Variants in CFAP97 observed in about 807,000 individuals in gnomAD.
CFAP97 encodes the protein cilia and flagella associated protein 97.
Under a neutral mutation model 43.1 loss-of-function variants are expected in CFAP97, and 36 were observed. The observed-to-expected ratio is 0.84, with a 90% CI of 0.64 to 1.10. CFAP97 has a LOEUF of 1.10. CFAP97 is among the 50% of genes least tolerant of loss of function. The pLI, the probability that CFAP97 is intolerant of heterozygous loss-of-function variation, is 0.00. For missense variants in CFAP97, 657 were observed against 620.3 expected (o/e 1.06, Z -0.63); for synonymous variants, 228 against 225.7 (o/e 1.01, Z -0.09).
At chr4:185,209,683 A>G (rs180986648), upstream of CFAP97, 1,324 of 951,120 alleles carry the variant, frequency 1.4e-3, 37 homozygotes, top group East Asian at 0.075. The surrounding 1 kb of genome is among the most constrained non-coding windows in gnomAD (Gnocchi z 5.2). Context: ...GGGGTCGCCG[A>G]GAGGGGCCCG....
At chr4:185,210,166 G>C, upstream of CFAP97, 7 of 984,384 alleles carry the variant, frequency 7.1e-6, no homozygotes, top group Non-Finnish European at 8.4e-6. The surrounding 1 kb of genome is among the most constrained non-coding windows in gnomAD (Gnocchi z 4.4). Flanking sequence ...GTTTGCCCTC[G>C]TCTGCCGGAG....
chr4:185,205,218 G>C (rs982278258), upstream of CFAP97, among the ~76,000 whole-genome samples: 2 of 152,240 alleles, frequency 1.3e-5, no homozygotes, highest in African/African-American at 2.4e-5. Flanking sequence ...CACTTCGGGA[G>C]GCCGAGGCGG....
intron 2 of CFAP97, among the ~76,000 whole-genome samples, chr4:185,187,399 C>A (rs1251328425): frequency 1.3e-5 from 2 of 152,058 alleles, no homozygotes; most frequent in South Asian, 2.1e-4. Flanking sequence ...CAATGGGACA[C>A]ACAAGCAAAC....
intron 1 of CFAP97, among the ~76,000 whole-genome samples, chr4:185,202,142 A>T (rs1736866190): frequency 6.6e-6 from 1 of 152,204 alleles, no homozygotes; most frequent in African/African-American, 2.4e-5. Context: ...GAATTTAGTC[A>T]TTCAAAGAAT....
intron 1 of CFAP97, among the ~76,000 whole-genome samples, chr4:185,192,688 A>C (rs1736322126): frequency 6.6e-6 from 1 of 151,390 alleles, no homozygotes; most frequent in Admixed American, 6.6e-5. Context: ...GATAAGCTTA[A>C]GATCAGACTT....
intron 2 of CFAP97, among the ~76,000 whole-genome samples, chr4:185,187,266 T>C (rs2111377817): frequency 6.6e-6 from 1 of 152,332 alleles, no homozygotes; most frequent in African/African-American, 2.4e-5. Context: ...ATATGTTTCC[T>C]AACCAGCACA....
intron 2 of CFAP97, among the ~76,000 whole-genome samples, chr4:185,181,076 T>C (rs572808888): frequency 7.7e-4 from 117 of 152,010 alleles, no homozygotes; most frequent in African/African-American, 2.8e-3. Context: ...GCTTAAAACC[T>C]TGTCTCTGCA....
At chr4:185,180,809 T>C (rs2111357970) in intron 2 of CFAP97, among the ~76,000 whole-genome samples, 1 of 152,210 alleles carries the variant, frequency 6.6e-6, no homozygotes, top group Admixed American at 6.5e-5. Context: ...CAAAAGTTTG[T>C]AGCATTATGA....
intron 1 of CFAP97, among the ~76,000 whole-genome samples, chr4:185,196,343 A>G (rs1969456): frequency 0.6 from 91,214 of 151,738 alleles, 27,739 homozygotes; most frequent in East Asian, 0.74. Context: ...GTGTGGTGGC[A>G]CGTGCCTATA....
At chr4:185,176,487 C>T (rs1735548802) in intron 2 of CFAP97, among the ~76,000 whole-genome samples, 1 of 152,120 alleles carries the variant, frequency 6.6e-6, no homozygotes, top group African/African-American at 2.4e-5. Flanking sequence ...ATACTAATGA[C>T]ATCTAGATTA....
At chr4:185,202,874 G>A (rs1280135259) in intron 1 of CFAP97, among the ~76,000 whole-genome samples, 2 of 152,318 alleles carry the variant, frequency 1.3e-5, no homozygotes, top group African/African-American at 2.4e-5. Context: ...CCCATCCACT[G>A]AGCAATTCTT....
intron 3 of CFAP97, among the ~76,000 whole-genome samples, chr4:185,173,895 T>C (rs1010319892): frequency 6.6e-6 from 1 of 152,210 alleles, no homozygotes; most frequent in Non-Finnish European, 1.5e-5. Flanking sequence ...TTAAGTTATA[T>C]ATACATTACT....
chr4:185,166,207 G>A (rs1735063874), intron 3 of CFAP97, among the ~76,000 whole-genome samples: 1 of 152,156 alleles, frequency 6.6e-6, no homozygotes, highest in Admixed American at 6.5e-5. Flanking sequence ...AAAGTCCACG[G>A]TCTTCCCATC....
chr4:185,166,821 T>C (rs886092741), intron 3 of CFAP97, among the ~76,000 whole-genome samples: 6 of 152,208 alleles, frequency 3.9e-5, no homozygotes, highest in African/African-American at 7.2e-5. Context: ...CTCTTGCCTA[T>C]AGAAATAATA....
At chr4:185,203,512 C>T (rs900213046) in intron 1 of CFAP97, among the ~76,000 whole-genome samples, 1 of 152,158 alleles carries the variant, frequency 6.6e-6, no homozygotes, top group African/African-American at 2.4e-5. Context: ...CATCCCCTAC[C>T]GTCCCCGGAA....
intron 2 of CFAP97, among the ~76,000 whole-genome samples, chr4:185,184,841 G>C (rs920958183): frequency 2.6e-5 from 4 of 152,112 alleles, no homozygotes; most frequent in African/African-American, 9.7e-5. Flanking sequence ...TTTTCTTCCT[G>C]TAAGAAGCTT....
In CFAP97 at chr4:185,190,582, C is replaced by A; in HGVS notation, c.615G>T (p.Lys205Asn). 1 of 1,613,532 alleles carries A rather than the reference C, an allele frequency of 6.2e-7. No individual in the cohort carries two copies. Among genetic ancestry groups the A allele is most frequent in the Non-Finnish European group, 8.5e-7 (1 of 1,179,678 alleles). ...TACCAGATACATGTTTCTTAGATGACTTAGATGACGGAGACGAATCAGATA... is the reference window on the plus strand; with the variant it reads ...TACCAGATACATGTTTCTTAGATGAATTAGATGACGGAGACGAATCAGATA... ...SHLSDSSPSS[K>N]SSKKHVSGIT... The change falls in exon 2 of 5, where the codon AAG becomes AAT. Residue 205 changes from lysine (K) to asparagine (N), a missense_variant. Coordinates refer to ENST00000458385, the MANE Select transcript of CFAP97 (RefSeq NM_020827.3).
chr4:185,201,663 T>C (rs1736836701), intron 1 of CFAP97, among the ~76,000 whole-genome samples: 2 of 152,242 alleles, frequency 1.3e-5, no homozygotes, highest in South Asian at 2.1e-4. Context: ...GACCACGGTA[T>C]AGTGTAAACA....
At chr4:185,197,102 T>TAAAA (rs60986571) in intron 1 of CFAP97, among the ~76,000 whole-genome samples, 227 of 86,492 alleles carry the variant, frequency 2.6e-3, no homozygotes, top group African/African-American at 7.5e-3. Flanking sequence ...CCCTCTTAAT[T>TAAAA]AAAAAAAAAA....
Sources: gnomAD v4.1 joint callset for allele counts (sites outside exome capture counted in the v4.1 genomes callset) on GRCh38, gnomAD v4.1.1 for gene constraint, Gnocchi (gnomAD v3.1) non-coding constraint, MANE v1.5 for transcripts, NCBI Gene and HGNC (gene_info 2026-07-23, HGNC 2026-07-21) for gene names.